CACNB4: variants seen among roughly 807,000 people sequenced by gnomAD.
CACNB4 encodes calcium voltage-gated channel auxiliary subunit beta 4.
Under a neutral mutation model 71.2 loss-of-function variants are expected in CACNB4, and 32 were observed. The ratio of observed to expected loss-of-function variants is 0.45; its 90% CI spans 0.34 to 0.60. CACNB4 has a LOEUF of 0.60. Ranked by LOEUF, CACNB4 falls within the 20% of genes least tolerant of loss-of-function variation. The probability of loss-of-function intolerance (pLI) is 0.01; values close to 1 mark genes in which losing one functional copy is unlikely to be tolerated. For missense variants in CACNB4, 464 were observed against 647.9 expected (o/e 0.72, Z 3.08); for synonymous variants, 231 against 236.9 (o/e 0.97, Z 0.23).
intron 2 of CACNB4, among the ~76,000 whole-genome samples, chr2:152,057,426 G>A (rs574271197): frequency 6.6e-6 from 1 of 152,214 alleles, no homozygotes; most frequent in South Asian, 2.1e-4. Flanking sequence ...CAATAATTAA[G>A]GAATACAAAA....
chr2:152,034,636 T>C (rs1054714623), intron 2 of CACNB4, among the ~76,000 whole-genome samples: 7 of 152,188 alleles, frequency 4.6e-5, no homozygotes, highest in Non-Finnish European at 8.8e-5. Context: ...ATGTGGGTTT[T>C]GTTTTTGTTT....
intron 2 of CACNB4, among the ~76,000 whole-genome samples, chr2:151,892,243 C>T (rs1441758281): frequency 2.0e-5 from 3 of 152,032 alleles, no homozygotes; most frequent in Admixed American, 1.3e-4. Context: ...GTTTACAAAG[C>T]AGCACACCCA....
In CACNB4 at chr2:151,883,269, G is replaced by A. The variant is rs2099848437; in HGVS notation, c.249C>T (p.Ile83=). Residue 83 remains isoleucine, a synonymous_variant, in exon 3 of 14, where the codon ATC becomes ATT. Coordinates refer to ENST00000539935, the MANE Select transcript of CACNB4 (RefSeq NM_000726.5). The part of the protein sequence containing the change: ...IRQEREQQAA[I]QLERAKSKPV... ...GACTCACCTTTGCTCTCTCAAGCTG[G>A]ATAGCTGCTTGCTGTTCTCTCTCCT... The A allele has an allele frequency of 6.2e-7, 1 of 1,613,952 alleles. No homozygotes were observed. Among genetic ancestry groups the A allele is most frequent in the East Asian group, 2.2e-5 (1 of 44,888 alleles).
At chr2:152,095,458 G>C (rs1376026026) in intron 2 of CACNB4, among the ~76,000 whole-genome samples, 1 of 151,600 alleles carries the variant, frequency 6.6e-6, no homozygotes, top group Non-Finnish European at 1.5e-5. Context: ...TTTTTTTAAT[G>C]AAAGCTTTTC....
chr2:151,990,394 C>A (rs1242183677), intron 2 of CACNB4, among the ~76,000 whole-genome samples: 1 of 152,216 alleles, frequency 6.6e-6, no homozygotes, highest in Non-Finnish European at 1.5e-5. Flanking sequence ...CATCTCCTCA[C>A]TTCCCTACCA....
In CACNB4 at chr2:152,098,570, A is replaced by AC; in HGVS notation, c.64-158dup. 1 of 407,378 alleles carries AC rather than the reference A, an allele frequency of 2.5e-6. No individual in the cohort carries two copies. 25.2% of individuals were successfully genotyped at this position (407,378 alleles called of 1,614,324 possible). On this transcript the variant is annotated intron_variant, in intron 1 of 13. Transcript: ENST00000539935. This position sits in a 1 kb window ranked among gnomAD's most constrained non-coding sequence, Gnocchi z 5.3. The stretch of plus-strand genomic sequence containing the variant: ...TCCGCGACTCCCAAATACAGCCCCC[A>AC]CCCCCACCCACCCACTGCAAGCCTC...
At chr2:151,982,096 AC>A (rs771895672) in intron 2 of CACNB4, among the ~76,000 whole-genome samples, 9 of 152,144 alleles carry the variant, frequency 5.9e-5, no homozygotes. Flanking sequence ...ACACTGCTGA[AC>A]TTTGACCTCT....
intron 2 of CACNB4, among the ~76,000 whole-genome samples, chr2:151,964,080 A>AT (rs2099870391): frequency 6.9e-6 from 1 of 145,802 alleles, no homozygotes; most frequent in African/African-American, 2.5e-5. Context: ...AAAAAAAAAA[A>AT]AAAAAAAAAA....
chr2:151,915,107 T>A (rs1049208671), intron 2 of CACNB4, among the ~76,000 whole-genome samples: 7 of 152,132 alleles, frequency 4.6e-5, no homozygotes, highest in Non-Finnish European at 1.0e-4. Flanking sequence ...CCACAGAGAC[T>A]GCGGCCACAC....
chr2:152,036,609 A>T (rs1444835689), intron 2 of CACNB4, among the ~76,000 whole-genome samples: 4 of 152,106 alleles, frequency 2.6e-5, no homozygotes, highest in Non-Finnish European at 5.9e-5. Context: ...AGTAAATTTT[A>T]TGTTACATGT....
intron 2 of CACNB4, among the ~76,000 whole-genome samples, chr2:151,941,489 C>G (rs527331309): frequency 6.6e-6 from 1 of 151,818 alleles, no homozygotes; most frequent in South Asian, 2.1e-4. Context: ...ACCATGTTGA[C>G]CAGGCTGGTC....
At chr2:151,906,513 A>T (rs1485095816) in intron 2 of CACNB4, among the ~76,000 whole-genome samples, 1 of 152,224 alleles carries the variant, frequency 6.6e-6, no homozygotes, top group African/African-American at 2.4e-5. Context: ...AACTTCCTTC[A>T]TGGCAAGAAT....
chr2:151,882,181 C>CTTTTTT (rs35206904), intron 3 of CACNB4, among the ~76,000 whole-genome samples: 2 of 50,836 alleles, frequency 3.9e-5, no homozygotes, highest in African/African-American at 6.7e-5. Flanking sequence ...ACCGGCCCCT[C>CTTTTTT]TTTTTTTTTT....
At chr2:151,968,850 C>T (rs1416665566) in intron 2 of CACNB4, 9 of 152,238 alleles carry the variant, frequency 5.9e-5, no homozygotes, top group South Asian at 4.2e-4. Flanking sequence ...AGGATTGATC[C>T]GAATTCTTGC....
intron 2 of CACNB4, among the ~76,000 whole-genome samples, chr2:151,887,115 T>G (rs996607043): frequency 6.6e-6 from 1 of 152,092 alleles, no homozygotes; most frequent in Non-Finnish European, 1.5e-5. Flanking sequence ...GAATGTTAGA[T>G]GCTAAGAGAA....
intron 2 of CACNB4, among the ~76,000 whole-genome samples, chr2:152,019,046 A>G (rs1053686208): frequency 6.6e-6 from 1 of 152,144 alleles, no homozygotes; most frequent in Non-Finnish European, 1.5e-5. Flanking sequence ...TTCACACACC[A>G]CAGTGTGTTT....
chr2:151,872,384 G>T lies in CACNB4; in HGVS notation c.598+33C>A, dbSNP rs771283453. ...TTCAAATATTTTTAAAAGGAATACA[G>T]TGTATGAAAAAGAGTTTAACTACAA... On this transcript the variant is annotated intron_variant, in intron 6 of 13. Coordinates refer to ENST00000539935, the MANE Select transcript of CACNB4 (RefSeq NM_000726.5). The T allele has an allele frequency of 8.2e-6, 10 of 1,220,010 alleles. No homozygotes were observed. The East Asian group carries it at 2.1e-4, about 26-fold the overall frequency. 75.6% of individuals were successfully genotyped at this position (1,220,010 alleles called of 1,614,324 possible). A position where few individuals can be genotyped will look rare whatever the true frequency, so the allele number is the denominator to read the frequency against.
chr2:151,960,944 C>A (rs2099869498), intron 2 of CACNB4, among the ~76,000 whole-genome samples: 1 of 152,132 alleles, frequency 6.6e-6, no homozygotes, highest in South Asian at 2.1e-4. Flanking sequence ...ATTTTACACA[C>A]CATAAAACCA....
chr2:152,048,103 A>G lies in CACNB4; in HGVS notation c.147+50227T>C, dbSNP rs1184887582. ...AGTTCAGTTGGGTAACACTGCTGAC[A>G]TCGTGGACCAGATGACTCTTTGTTA... On this transcript the variant is annotated intron_variant, in intron 2 of 13. Coordinates refer to ENST00000539935, the MANE Select transcript of CACNB4 (RefSeq NM_000726.5). 2.6e-5 allele frequency among the ~76,000 whole-genome samples: 4 copies of G among 152,192 alleles called. No individual in the cohort carries two copies. The East Asian group carries it at 7.7e-4, about 29-fold the overall frequency.
Sources: gnomAD v4.1 joint callset for allele counts (sites outside exome capture counted in the v4.1 genomes callset) on GRCh38, gnomAD v4.1.1 for gene constraint, Gnocchi (gnomAD v3.1) non-coding constraint, MANE v1.5 for transcripts, NCBI Gene and HGNC (gene_info 2026-07-23, HGNC 2026-07-21) for gene names.